Variants in GPR65 observed in about 807,000 individuals in gnomAD.
GPR65 encodes the protein T-cell death-associated gene 8 protein.
In GPR65, 2 loss-of-function variants were observed where a neutral mutation model predicts 0.7. That is an observed-to-expected ratio of 2.83 (90% CI 1.16 to 8.92). GPR65 has a LOEUF of 8.92. Among genes scored for constraint, GPR65 ranks in the 30% most tolerant of loss-of-function variants. The probability of loss-of-function intolerance (pLI) is 0.04; values close to 1 mark genes in which losing one functional copy is unlikely to be tolerated. For synonymous variants in GPR65, 128 were observed against 146.5 expected (o/e 0.87, Z 0.91); for missense variants, 379 against 399.4 (o/e 0.95, Z 0.43).
chr14:88,013,508 T>C lies in GPR65; in HGVS notation c.*1647T>C, dbSNP rs1167682618. On this transcript the variant is annotated 3_prime_UTR_variant, in exon 2 of 2. Transcript: ENST00000267549. ...TGCTTTCCTTTTCTTGCCTGTTCTT[T>C]CCACTCCCCCCAAAATGATCAGATA... is the stretch of plus-strand genomic sequence containing the variant. 6.6e-6 allele frequency: 1 copy of C among 152,306 alleles called. No individual in the cohort carries two copies. The highest frequency in any genetic ancestry group is 1.9e-4 in the East Asian group (1 of 5,184). 9.4% of individuals were successfully genotyped at this position (152,306 alleles called of 1,614,324 possible). A position where few individuals can be genotyped will look rare whatever the true frequency, so the allele number is the denominator to read the frequency against.
intron 1 of GPR65, among the ~76,000 whole-genome samples, chr14:88,009,758 T>C (rs1215728197): frequency 6.6e-6 from 1 of 152,168 alleles, no homozygotes; most frequent in Non-Finnish European, 1.5e-5. Context: ...TCCAAGATTT[T>C]ACCCAGAATA....
At chr14:88,007,819 T>TGTGTGA (rs1304200598) in intron 1 of GPR65, among the ~76,000 whole-genome samples, 3 of 151,356 alleles carry the variant, frequency 2.0e-5, no homozygotes, top group Non-Finnish European at 4.4e-5. Flanking sequence ...TGTGTGTGTG[T>TGTGTGA]GTGAATAAGG....
Position 88,011,058 on chromosome 14 carries a change from A to G in GPR65, c.211A>G (p.Ile71Val), listed in dbSNP as rs754855859. Residue 71 changes from isoleucine (I) to valine (V), a missense_variant, in exon 2 of 2, where the codon ATT becomes GTT. Transcript: ENST00000267549. ...LLYALTLPLW[I>V]DYTWNKDNWT... ...CTATGCATTAACTCTCCCTTTATGG[A>G]TTGATTATACCTGGAATAAAGACAA... 11 of 1,612,300 alleles carry G rather than the reference A, an allele frequency of 6.8e-6. No homozygotes were observed. In the Admixed American group the frequency reaches 8.3e-5, roughly 12 times the overall value.
rs1380570378 is a variant in GPR65 at position 88,010,616 on chromosome 14, A to G, written c.-232A>G. 4.2e-6 allele frequency: 2 copies of G among 475,954 alleles called. No individual in the cohort carries two copies. Among genetic ancestry groups the G allele is most frequent in the Non-Finnish European group, 7.5e-6 (2 of 267,036 alleles). The allele number at this position is 475,954 out of a possible 1,614,324, so 29.5% of individuals were successfully genotyped here. On this transcript the variant is annotated 5_prime_UTR_variant, in exon 2 of 2. Transcript: ENST00000267549. Reference sequence around the variant, plus strand: ...TAAATTCAGTTGACCCCTTTAGCCAATTGCCAGGAGCCTGGATTTTTACTT... The same window carrying G: ...TAAATTCAGTTGACCCCTTTAGCCAGTTGCCAGGAGCCTGGATTTTTACTT...
In GPR65 at chr14:88,011,424, G is replaced by A; in HGVS notation, c.577G>A (p.Ala193Thr). 1.2e-6 allele frequency: 2 copies of A among 1,614,012 alleles called. No homozygotes were observed. Among genetic ancestry groups the A allele is most frequent in the Non-Finnish European group, 1.7e-6 (2 of 1,179,920 alleles). The change falls in exon 2 of 2, where the codon GCA becomes ACA. Residue 193 changes from alanine to threonine, a missense_variant. Coordinates refer to ENST00000267549, the MANE Select transcript of GPR65 (RefSeq NM_003608.4). ...LNLFRTCTGY[A>T]IPLVTILICN... ...CTTGTTCAGGACGTGTACAGGCTATGCAATACCTTTGGTCACCATCCTGAT... is the reference window on the plus strand; with the variant it reads ...CTTGTTCAGGACGTGTACAGGCTATACAATACCTTTGGTCACCATCCTGAT...
chr14:88,010,033 C>A (rs993643628), intron 1 of GPR65, among the ~76,000 whole-genome samples: 1 of 152,174 alleles, frequency 6.6e-6, no homozygotes, highest in Non-Finnish European at 1.5e-5. Flanking sequence ...GTTGATCACA[C>A]ATGCAAAAGT....
At chr14:88,006,198 G>A (rs550676384) in intron 1 of GPR65, among the ~76,000 whole-genome samples, 2 of 152,310 alleles carry the variant, frequency 1.3e-5, no homozygotes, top group South Asian at 4.1e-4. Flanking sequence ...GTAGGGGACA[G>A]CACAAAGATT....
At position 88,012,646 on chromosome 14, in the gene GPR65, C is replaced by T. The variant is rs1887703296; in HGVS notation, c.*785C>T. ...TAGTATAATGGTTTCAAGTTTTATCCATGTGTAGAATGTATCAGCACTTCA... is the reference window on the plus strand; with the variant it reads ...TAGTATAATGGTTTCAAGTTTTATCTATGTGTAGAATGTATCAGCACTTCA... On this transcript the variant is annotated 3_prime_UTR_variant, in exon 2 of 2. Transcript: ENST00000267549. 1.3e-5 allele frequency: 2 copies of T among 152,284 alleles called. No homozygotes were observed. Among genetic ancestry groups the T allele is most frequent in the South Asian group, 4.1e-4 (2 of 4,826 alleles). The allele number at this position is 152,284 out of a possible 1,614,324, so 9.4% of individuals were successfully genotyped here.
At position 88,011,044 on chromosome 14, in the gene GPR65, C is replaced by T; in HGVS notation, c.197C>T (p.Thr66Ile). 1.9e-6 allele frequency: 3 copies of T among 1,611,210 alleles called. No individual in the cohort carries two copies. Among genetic ancestry groups the T allele is most frequent in the Non-Finnish European group, 2.5e-6 (3 of 1,177,368 alleles). Residue 66 changes from threonine (T) to isoleucine (I), a missense_variant, in exon 2 of 2, where the codon ACT becomes ATT. Thr to Ile is a moderately conservative substitution (Grantham distance 89, BLOSUM62 -1). Transcript: ENST00000267549. ...CTATCAGATTTACTCTATGCATTAA[C>T]TCTCCCTTTATGGATTGATTATACC... ...LSLSDLLYAL[T>I]LPLWIDYTWN...
In GPR65 at chr14:88,011,912, T is replaced by A. The variant is rs1004963207; in HGVS notation, c.*51T>A. On this transcript the variant is annotated 3_prime_UTR_variant, in exon 2 of 2. Transcript: ENST00000267549. Reference sequence around the variant, plus strand: ...GAAGTTTAAGTTATGCATTATTATATCATCAAGATTACATTTTGAAAAGGA... The same window carrying A: ...GAAGTTTAAGTTATGCATTATTATAACATCAAGATTACATTTTGAAAAGGA... The A allele has an allele frequency of 7.8e-7, 1 of 1,289,956 alleles. No homozygotes were observed. The highest frequency in any genetic ancestry group is 1.1e-6 in the Non-Finnish European group (1 of 929,442). 79.9% of individuals were successfully genotyped at this position (1,289,956 alleles called of 1,614,324 possible).
chr14:88,009,660 C>A (rs11159833), intron 1 of GPR65, among the ~76,000 whole-genome samples: 1 of 151,974 alleles, frequency 6.6e-6, no homozygotes, highest in Non-Finnish European at 1.5e-5. Context: ...AGGATGGAAC[C>A]TTTACTCTTA....
intron 1 of GPR65, among the ~76,000 whole-genome samples, chr14:88,009,987 T>A (rs2139782433): frequency 6.6e-6 from 1 of 152,338 alleles, no homozygotes; most frequent in East Asian, 1.9e-4. Flanking sequence ...CTAGATTGAA[T>A]ATGAAATTAG....
chr14:88,006,093 C>T (rs144480141), intron 1 of GPR65, among the ~76,000 whole-genome samples: 21 of 152,262 alleles, frequency 1.4e-4, no homozygotes, highest in African/African-American at 5.1e-4. Flanking sequence ...TAGTATTATA[C>T]GTGAAGTGTT....
chr14:88,011,213 T>C lies in GPR65; in HGVS notation c.366T>C (p.Phe122=). ...RYLAVVYPLK[F]FFLRTRRFAL... is the part of the protein sequence containing the mutation. ...TGGCTGTTGTCTACCCTTTGAAGTT[T>C]TTTTTCCTAAGGACAAGAAGATTTG... Residue 122 remains phenylalanine (F), a synonymous_variant, in exon 2 of 2, where the codon TTT becomes TTC. Coordinates refer to ENST00000267549, the MANE Select transcript of GPR65 (RefSeq NM_003608.4). The C allele has an allele frequency of 6.2e-7, 1 of 1,613,918 alleles. No individual in the cohort carries two copies. The highest frequency in any genetic ancestry group is 8.5e-7 in the Non-Finnish European group (1 of 1,179,994).
intron 1 of GPR65, among the ~76,000 whole-genome samples, chr14:88,008,125 C>G (rs1887623852): frequency 6.6e-6 from 1 of 151,500 alleles, no homozygotes; most frequent in Admixed American, 6.6e-5. Flanking sequence ...CTCTACATGC[C>G]ATCTCACACA....
At chr14:88,007,930 A>G (rs1314504490) in intron 1 of GPR65, among the ~76,000 whole-genome samples, 2 of 151,850 alleles carry the variant, frequency 1.3e-5, no homozygotes, top group East Asian at 1.9e-4. Context: ...GGAGCCTAGA[A>G]TTTATTTTTT....
chr14:88,006,863 C>A (rs1448579372), intron 1 of GPR65, among the ~76,000 whole-genome samples: 3 of 152,102 alleles, frequency 2.0e-5, no homozygotes, highest in African/African-American at 4.8e-5. Context: ...CCTTTTCCTA[C>A]TTCAGTTATA....
chr14:88,005,909 ACT>A (rs1317493625), intron 1 of GPR65, among the ~76,000 whole-genome samples: 1 of 152,112 alleles, frequency 6.6e-6, no homozygotes, highest in Non-Finnish European at 1.5e-5. Flanking sequence ...AAAATTAAAA[ACT>A]CACCAAAATT....
At chr14:88,007,677 T>A (rs914366263) in intron 1 of GPR65, among the ~76,000 whole-genome samples, 2 of 150,364 alleles carry the variant, frequency 1.3e-5, no homozygotes, top group Non-Finnish European at 3.0e-5. Flanking sequence ...TAAACATATT[T>A]TGTGTTTTTT....
Sources: gnomAD v4.1 joint callset for allele counts (sites outside exome capture counted in the v4.1 genomes callset) on GRCh38, gnomAD v4.1.1 for gene constraint, MANE v1.5 for transcripts, NCBI Gene and HGNC (gene_info 2026-07-23, HGNC 2026-07-21) for gene names.